Variants in GPX7 observed in about 807,000 individuals in gnomAD.
The protein encoded by GPX7 is protein peroxidase GPX7.
A neutral mutation model predicts 23.7 loss-of-function variants in GPX7; 21 were observed. That is an observed-to-expected ratio of 0.89 (90% CI 0.63 to 1.28). GPX7 has a LOEUF of 1.28. GPX7 is among the 50% of genes most tolerant of loss of function. GPX7 has a pLI of 0.00. For synonymous variants in GPX7, 112 were observed against 101.8 expected (o/e 1.10, Z -0.61); for missense variants, 238 against 237.3 (o/e 1.00, Z -0.02).
Position 52,606,846 on chromosome 1 carries a change from G to A in GPX7, c.301G>A (p.Glu101Lys). Residue 101 changes from glutamate to lysine, a missense_variant, in exon 2 of 3, where the codon GAG (glutamate) becomes AAG (lysine). By Grantham distance (56) the Glu-to-Lys change is moderately conservative. Transcript: ENST00000361314. Reference protein sequence around the residue: ...QQEPDSNKEIESFARRTYSVS... With the variant: ...QQEPDSNKEIKSFARRTYSVS... Reference sequence around the variant, plus strand: ...GGAGCCTGACAGCAACAAGGAGATTGAGAGCTTTGCCCGCCGCACCTACAG... The same window carrying A: ...GGAGCCTGACAGCAACAAGGAGATTAAGAGCTTTGCCCGCCGCACCTACAG... 2 of 1,614,216 alleles carry A rather than the reference G, an allele frequency of 1.2e-6. No individual in the cohort carries two copies. The highest frequency in any genetic ancestry group is 1.7e-6 in the Non-Finnish European group (2 of 1,180,030).
chr1:52,603,042 G>A (rs1690819009), intron 1 of GPX7, among the ~76,000 whole-genome samples: 1 of 151,974 alleles, frequency 6.6e-6, no homozygotes, highest in African/African-American at 2.4e-5. Context: ...TCAGATGCAC[G>A]GAGACCTCAC....
chr1:52,608,530 C>G lies in GPX7; in HGVS notation c.*105C>G. 1 of 942,680 alleles carries G rather than the reference C, an allele frequency of 1.1e-6. No homozygotes were observed. The highest frequency in any genetic ancestry group is 1.5e-6 in the Non-Finnish European group (1 of 654,480). The allele number at this position is 942,680 out of a possible 1,614,324, so 58.4% of individuals were successfully genotyped here. A position where few individuals can be genotyped will look rare whatever the true frequency, so the allele number is the denominator to read the frequency against. On this transcript the variant is annotated 3_prime_UTR_variant, in exon 3 of 3. Coordinates refer to ENST00000361314, the MANE Select transcript of GPX7 (RefSeq NM_015696.5). The stretch of plus-strand genomic sequence containing the variant: ...AGGGAGAGACCCACTGACTCTCCTT[C>G]CTTTACTCTTATGCCATTGGTCCCA...
At chr1:52,604,633 GTGTC>G (rs34098557) in intron 1 of GPX7, among the ~76,000 whole-genome samples, 2,204 of 152,286 alleles carry the variant, frequency 0.014, 53 homozygotes, top group African/African-American at 0.049. Flanking sequence ...GTACTTGGGT[GTGTC>G]TGTCTGTGTT....
rs1188322601 is a variant in GPX7, at chr1:52,608,369, C to T, written c.508C>T (p.Pro170Ser). Reference sequence around the variant, plus strand: ...AACTGTGTCAGTGGAGGAGGTCAGACCCCAGATCACAGCGCTCGTGAGGAA... The same window carrying T: ...AACTGTGTCAGTGGAGGAGGTCAGATCCCAGATCACAGCGCTCGTGAGGAA... ...DPTVSVEEVR[P>S]QITALVRKLI... The change falls in exon 3 of 3, where the codon CCC becomes TCC. Residue 170 changes from proline to serine, a missense_variant. Physicochemically the swap from Pro to Ser is moderately conservative, Grantham distance 74 (BLOSUM62 -1). Transcript: ENST00000361314. 6.2e-6 allele frequency: 10 copies of T among 1,613,832 alleles called. No homozygotes were observed. In the Admixed American group the frequency reaches 8.3e-5, roughly 13 times the overall value.
At chr1:52,605,208 T>G (rs1011680662) in intron 1 of GPX7, among the ~76,000 whole-genome samples, 1 of 152,062 alleles carries the variant, frequency 6.6e-6, no homozygotes, top group African/African-American at 2.4e-5. Context: ...TTGAGGAGGT[T>G]GTTCTAATAG....
intron 2 of GPX7, chr1:52,607,444 A>G (rs547040672): frequency 6.4e-6 from 1 of 156,620 alleles, no homozygotes; most frequent in East Asian, 1.9e-4. Context: ...AGTATTTGAG[A>G]ACAAGATCCC....
chr1:52,603,929 C>G lies in GPX7; in HGVS notation c.138+1382C>G, dbSNP rs35705883. ...AGGCCTCCTGTTCTCTCTAGGGCAG[C>G]TCACCAGAGAGCCCCAGGTTTAGCG... On this transcript the variant is annotated intron_variant, in intron 1 of 2. Coordinates refer to ENST00000361314, the MANE Select transcript of GPX7 (RefSeq NM_015696.5). 3.7e-3 allele frequency among the ~76,000 whole-genome samples: 558 copies of G among 152,294 alleles called. 3 individuals are homozygous for G. The highest frequency in any genetic ancestry group is 0.013 in the African/African-American group (534 of 41,548).
At chr1:52,602,678 C>G in intron 1 of GPX7, 131 bp downstream of exon 1, 1 of 262,524 alleles carries the variant, frequency 3.8e-6, no homozygotes. Flanking sequence ...GCCGCCAAAC[C>G]CCGGCCCCCG....
chr1:52,605,455 A>G (rs1328339349), intron 1 of GPX7, among the ~76,000 whole-genome samples: 3 of 152,202 alleles, frequency 2.0e-5, no homozygotes, highest in Non-Finnish European at 4.4e-5. Flanking sequence ...CCCCCCGACA[A>G]CAAAGAATTA....
intron 1 of GPX7, 118 bp from the exon 2 acceptor site, chr1:52,606,566 T>C: frequency 9.1e-7 from 1 of 1,097,150 alleles, no homozygotes; most frequent in East Asian, 2.4e-5. Context: ...TTCTTGTATG[T>C]GTGAGGCAGT....
In GPX7 at chr1:52,606,760, G is replaced by A. The variant is rs116820347; in HGVS notation, c.215G>A (p.Arg72Gln). ...TACCGAGCCCTGCAGCAGCTGCAGC[G>A]AGACCTGGGCCCCCACCACTTTAAC... ...QHYRALQQLQ[R>Q]DLGPHHFNVL... Residue 72 changes from arginine (R) to glutamine (Q), a missense_variant, in exon 2 of 3, where the codon CGA (arginine) becomes CAA (glutamine). Transcript: ENST00000361314. The A allele has an allele frequency of 3.3e-4, 534 of 1,614,182 alleles. 2 individuals carry two copies. In the African/African-American group the frequency reaches 6.3e-3, roughly 19 times the overall value.
chr1:52,605,904 A>C (rs1292087302), intron 1 of GPX7, among the ~76,000 whole-genome samples: 1 of 152,230 alleles, frequency 6.6e-6, no homozygotes, highest in Non-Finnish European at 1.5e-5. Flanking sequence ...TCAGCTCAGA[A>C]GTTTGAGACT....
At chr1:52,607,138 T>G in intron 2 of GPX7, 193 bp downstream of exon 2, 1 of 625,152 alleles carries the variant, frequency 1.6e-6, no homozygotes, top group South Asian at 1.9e-5. Flanking sequence ...CTGAGGGGTA[T>G]TCCTGCCTAA....
At chr1:52,602,818 C>T (rs1293547915) in intron 1 of GPX7, among the ~76,000 whole-genome samples, 2 of 152,094 alleles carry the variant, frequency 1.3e-5, no homozygotes, top group Admixed American at 6.5e-5. Context: ...ACTTCGCTAC[C>T]GGCACCTTTG....
Position 52,606,858 on chromosome 1 carries a change from C to A in GPX7, c.313C>A (p.Arg105Ser). The A allele has an allele frequency of 6.2e-7, 1 of 1,614,186 alleles. No homozygotes were observed. Among genetic ancestry groups the A allele is most frequent in the African/African-American group, 1.3e-5 (1 of 75,048 alleles). ...DSNKEIESFA[R>S]RTYSVSFPMF... ...CAACAAGGAGATTGAGAGCTTTGCC[C>A]GCCGCACCTACAGTGTCTCATTCCC... is the stretch of plus-strand genomic sequence containing the variant. Residue 105 changes from arginine (R) to serine (S), a missense_variant, in exon 2 of 3, where the codon CGC becomes AGC. Physicochemically the swap from Arg to Ser is moderately radical, Grantham distance 110. Transcript: ENST00000361314.
intron 1 of GPX7, among the ~76,000 whole-genome samples, chr1:52,602,900 AAGT>A (rs958026865): frequency 2.3e-4 from 35 of 152,310 alleles, no homozygotes; most frequent in African/African-American, 8.2e-4. Flanking sequence ...CGGGTGAAAA[AAGT>A]AACCGTAGCA....
At chr1:52,608,236 C>A in intron 2 of GPX7, 26 bp from the exon 3 acceptor site, 1 of 1,594,594 alleles carries the variant, frequency 6.3e-7, no homozygotes, top group Non-Finnish European at 8.5e-7. Context: ...GGGTAGCACG[C>A]TTTGCTCTCC....
At chr1:52,605,981 G>C (rs1027453072) in intron 1 of GPX7, among the ~76,000 whole-genome samples, 2 of 152,122 alleles carry the variant, frequency 1.3e-5, no homozygotes, top group African/African-American at 4.8e-5. Context: ...CAACAAAAGT[G>C]GTGTTAGTTC....
Position 52,602,517 on chromosome 1 carries a change from A to G in GPX7, c.108A>G (p.Lys36=). The stretch of plus-strand genomic sequence containing the variant: ...TCAAGGCGGTCAACATCCGGGGCAA[A>G]CTGGTGTCGCTGGAGAAGTACCGCG... The part of the protein sequence containing the change: ...YDFKAVNIRG[K]LVSLEKYRGS... The change falls in exon 1 of 3, where the codon AAA becomes AAG. Residue 36 remains lysine, a synonymous_variant. Coordinates refer to ENST00000361314, the MANE Select transcript of GPX7 (RefSeq NM_015696.5). The G allele has an allele frequency of 6.4e-7, 1 of 1,564,552 alleles. No individual in the cohort carries two copies.
Sources: allele counts gnomAD v4.1 joint callset (sites outside exome capture counted in the v4.1 genomes callset), GRCh38; gene constraint gnomAD v4.1.1; transcripts MANE v1.5; gene names NCBI Gene and HGNC (gene_info 2026-07-23, HGNC 2026-07-21).